The following MARK1 variants were observed in gnomAD, a reference collection of about 807,000 sequenced individuals.
MARK1 encodes the protein microtubule affinity regulating kinase 1.
Under a neutral mutation model 96.3 loss-of-function variants are expected in MARK1, and 40 were observed. That is an observed-to-expected ratio of 0.42 (90% CI 0.32 to 0.54). The LOEUF (loss-of-function observed/expected upper bound fraction) is 0.54. Ranked by LOEUF, MARK1 falls within the 20% of genes least tolerant of loss-of-function variation. The pLI is 0.16. For missense variants in MARK1, 719 were observed against 984.6 expected, an observed-to-expected ratio of 0.73 and a Z score of 3.61; for synonymous variants, 317 against 341.2, an observed-to-expected ratio of 0.93 and a Z score of 0.78.
At chr1:220,590,644 GTTTC>G (rs543315031) in intron 3 of MARK1, among the ~76,000 whole-genome samples, 20 of 152,254 alleles carry the variant, frequency 1.3e-4, no homozygotes, top group Admixed American at 5.2e-4. Flanking sequence ...CAATTCAAGT[GTTTC>G]TTTGTGAGGA....
chr1:220,652,125 G>A lies in MARK1; in HGVS notation c.1711G>A (p.Asp571Asn). 6.2e-7 allele frequency: 1 copy of A among 1,611,594 alleles called. No individual in the cohort carries two copies. Among genetic ancestry groups the A allele is most frequent in the Non-Finnish European group, 8.5e-7 (1 of 1,178,008 alleles). ...TAAAGTCACACTGCCAACCATTAAA[G>A]ACGGCTCTGAAGCTTACCGGCCTGG... ...PIKVTLPTIKDGSEAYRPGTT... is the reference protein window; with the variant it reads ...PIKVTLPTIKNGSEAYRPGTT... Residue 571 changes from aspartate to asparagine, a missense_variant, in exon 15 of 18, where the codon GAC becomes AAC. Transcript: ENST00000366917.
intron 9 of MARK1, among the ~76,000 whole-genome samples, chr1:220,624,142 A>T (rs1482557275): frequency 6.6e-6 from 1 of 151,868 alleles, no homozygotes; most frequent in African/African-American, 2.4e-5. Flanking sequence ...TACTAAAAAT[A>T]CAAAAATTAG....
At chr1:220,555,481 T>C (rs1662182365) in intron 1 of MARK1, among the ~76,000 whole-genome samples, 1 of 152,044 alleles carries the variant, frequency 6.6e-6, no homozygotes, top group Non-Finnish European at 1.5e-5. Context: ...GTGGTAAAGG[T>C]AAAGGTGTAG....
intron 1 of MARK1, among the ~76,000 whole-genome samples, chr1:220,547,284 T>C (rs1661569110): frequency 6.6e-6 from 1 of 152,224 alleles, no homozygotes; most frequent in East Asian, 1.9e-4. Context: ...TAGTAGCCAC[T>C]GTTTAAACCA....
chr1:220,562,582 G>A (rs1312422750), intron 1 of MARK1, among the ~76,000 whole-genome samples: 1 of 152,128 alleles, frequency 6.6e-6, no homozygotes, highest in Non-Finnish European at 1.5e-5. Flanking sequence ...TCCATTAAAT[G>A]CTCAGTACCA....
intron 1 of MARK1, among the ~76,000 whole-genome samples, chr1:220,568,638 C>T (rs2786615): frequency 0.94 from 142,903 of 152,216 alleles, 67,796 homozygotes; most frequent in South Asian, 1. Flanking sequence ...CCTATACTCC[C>T]GTTTCCCAGT....
At chr1:220,580,193 C>A (rs1173331359) in intron 2 of MARK1, among the ~76,000 whole-genome samples, 1 of 151,804 alleles carries the variant, frequency 6.6e-6, no homozygotes, top group Non-Finnish European at 1.5e-5. Flanking sequence ...AAAAAAAAAT[C>A]TCAATCAGGC....
chr1:220,624,804 T>C (rs1250783842), intron 9 of MARK1, among the ~76,000 whole-genome samples: 1 of 152,202 alleles, frequency 6.6e-6, no homozygotes, highest in Non-Finnish European at 1.5e-5. Context: ...CTCTCAGCTG[T>C]CAAATCTGCT....
intron 13 of MARK1, among the ~76,000 whole-genome samples, chr1:220,639,370 A>G (rs1241793094): frequency 1.3e-5 from 2 of 152,194 alleles, no homozygotes; most frequent in Non-Finnish European, 2.9e-5. Context: ...GTAACATTTT[A>G]ATTTATTTCA....
At chr1:220,572,337 G>A (rs957739453) in intron 1 of MARK1, among the ~76,000 whole-genome samples, 3 of 152,156 alleles carry the variant, frequency 2.0e-5, no homozygotes, top group East Asian at 3.9e-4. Flanking sequence ...TGCTTCCCGG[G>A]TTCAAGCAAT....
intron 9 of MARK1, among the ~76,000 whole-genome samples, chr1:220,624,690 A>G (rs1019357243): frequency 1.3e-5 from 2 of 152,246 alleles, no homozygotes; most frequent in East Asian, 3.9e-4. Context: ...CCATGTATAT[A>G]TTTTTTCTGA....
intron 1 of MARK1, among the ~76,000 whole-genome samples, chr1:220,543,676 A>G (rs748668628): frequency 2.6e-5 from 4 of 152,172 alleles, no homozygotes; most frequent in Non-Finnish European, 4.4e-5. Flanking sequence ...TACCTAGCAT[A>G]GTGTTTGGCA....
chr1:220,577,093 A>G (rs963928091), intron 1 of MARK1, among the ~76,000 whole-genome samples: 6 of 151,992 alleles, frequency 3.9e-5, no homozygotes, highest in South Asian at 2.1e-4. Context: ...CTCCATCTCT[A>G]CAAACAAAAC....
intron 9 of MARK1, among the ~76,000 whole-genome samples, chr1:220,624,377 A>G (rs1355174531): frequency 6.6e-6 from 1 of 151,596 alleles, no homozygotes; most frequent in Admixed American, 6.6e-5. Flanking sequence ...AGGTGGGCGG[A>G]TCACCTGAGG....
intron 1 of MARK1, 62 bp downstream of exon 1, chr1:220,528,935 C>T (rs1424908981): frequency 6.7e-7 from 1 of 1,481,626 alleles, no homozygotes; most frequent in African/African-American, 1.4e-5. Context: ...ATCCCCACTT[C>T]ACCCGCGCTT....
chr1:220,582,251 A>C (rs978789217), intron 3 of MARK1, among the ~76,000 whole-genome samples: 1 of 152,108 alleles, frequency 6.6e-6, no homozygotes, highest in Non-Finnish European at 1.5e-5. Flanking sequence ...GAACATGAAA[A>C]CTTTGCTGGG....
At chr1:220,573,859 G>A (rs1663656172) in intron 1 of MARK1, among the ~76,000 whole-genome samples, 1 of 151,696 alleles carries the variant, frequency 6.6e-6, no homozygotes, top group Non-Finnish European at 1.5e-5. Flanking sequence ...TATATATGTA[G>A]TATATATTGT....
At position 220,652,088 on chromosome 1, in the gene MARK1, T is replaced by C. The variant is rs770720017; in HGVS notation, c.1674T>C (p.Ser558=). The C allele has an allele frequency of 2.0e-5, 33 of 1,613,796 alleles. 2 individuals are homozygous for C. In the South Asian group the frequency reaches 3.3e-4, roughly 16 times the overall value. Residue 558 remains serine, a synonymous_variant, in exon 15 of 18, where the codon TCT becomes TCC. Transcript: ENST00000366917. ...RPRHQKSMST[S]GHPIKVTLPT... is the part of the protein sequence containing the mutation. ...GCCACCAGAAGTCCATGTCCACTTC[T>C]GGTCATCCTATTAAAGTCACACTGC...
At chr1:220,594,244 T>G (rs149603452) in intron 3 of MARK1, among the ~76,000 whole-genome samples, 5 of 152,232 alleles carry the variant, frequency 3.3e-5, no homozygotes, top group African/African-American at 9.6e-5. Flanking sequence ...TCAAAGAAAT[T>G]ATATAGATGG....
Sources: gnomAD v4.1 joint callset for allele counts (sites outside exome capture counted in the v4.1 genomes callset) on GRCh38, gnomAD v4.1.1 for gene constraint, MANE v1.5 for transcripts, NCBI Gene and HGNC (gene_info 2026-07-23, HGNC 2026-07-21) for gene names.